TMEM260: variants seen among roughly 807,000 people sequenced by gnomAD.
TMEM260 encodes the protein protein O-mannosyl-transferase TMEM260.
In TMEM260, 82 loss-of-function variants were observed where a neutral mutation model predicts 88.9. The ratio of observed to expected loss-of-function variants is 0.92; its 90% CI spans 0.77 to 1.11. The LOEUF is 1.11. Ranked by LOEUF, TMEM260 falls within the 50% of genes least tolerant of loss-of-function variation. The probability of loss-of-function intolerance (pLI) is 0.00; values close to 1 mark genes in which losing one functional copy is unlikely to be tolerated. For synonymous variants in TMEM260, 314 were observed against 309.3 expected, an observed-to-expected ratio of 1.02 and a Z score of -0.16; for missense variants, 902 against 853.4, an observed-to-expected ratio of 1.06 and a Z score of -0.71.
intron 15 of TMEM260, among the ~76,000 whole-genome samples, chr14:56,642,215 G>A (rs1220286479): frequency 2.0e-5 from 3 of 152,120 alleles, no homozygotes; most frequent in Non-Finnish European, 4.4e-5. Flanking sequence ...ATTCTTCTCA[G>A]CACCGCATTG....
intron 15 of TMEM260, 22 bp from the exon 16 acceptor site, chr14:56,647,221 C>CAACA: frequency 1.3e-6 from 2 of 1,568,636 alleles, no homozygotes; most frequent in Non-Finnish European, 1.7e-6. Flanking sequence ...AATGGAATAC[C>CAACA]AACATTTCTG....
chr14:56,624,410 T>C (rs7153161), intron 11 of TMEM260, among the ~76,000 whole-genome samples: 136,810 of 152,126 alleles, frequency 0.9, 61,750 homozygotes, highest in East Asian at 1. Context: ...CCCGTGTCTA[T>C]CAAAAATACA....
chr14:56,609,395 T>G, intron 6 of TMEM260, 110 bp downstream of exon 6: 1 of 1,043,390 alleles, frequency 9.6e-7, no homozygotes, highest in Non-Finnish European at 1.4e-6. Context: ...GATCAAATGT[T>G]TGTTTTGGTT....
intron 3 of TMEM260, 70 bp downstream of exon 3, chr14:56,585,982 A>G: frequency 3.4e-6 from 5 of 1,480,798 alleles, no homozygotes; most frequent in Non-Finnish European, 4.6e-6. Context: ...GCTCAAGTAC[A>G]TACATTAAAA....
chr14:56,612,642 G>A (rs1887352574), intron 7 of TMEM260: 2 of 186,332 alleles, frequency 1.1e-5, no homozygotes, highest in Non-Finnish European at 2.2e-5. Context: ...TATTGTCTAG[G>A]GAATTATGAC....
At position 56,579,857 on chromosome 14, in the gene TMEM260, C is replaced by T. The variant is rs1017170725; in HGVS notation, c.-58C>T. The T allele has an allele frequency of 9.8e-6, 12 of 1,226,102 alleles. No homozygotes were observed. Among genetic ancestry groups the T allele is most frequent in the Non-Finnish European group, 1.0e-5 (10 of 983,124 alleles). The allele number at this position is 1,226,102 out of a possible 1,614,324, so 76.0% of individuals were successfully genotyped here. A position where few individuals can be genotyped will look rare whatever the true frequency, so the allele number is the denominator to read the frequency against. On this transcript the variant is annotated 5_prime_UTR_variant, in exon 1 of 16. Transcript: ENST00000261556. ...CGCTCGTCTCTCGGCTGGGGAGCTCCGTGTCGCACCGGGTTCTTGGGCTGG... is the reference window on the plus strand; with the variant it reads ...CGCTCGTCTCTCGGCTGGGGAGCTCTGTGTCGCACCGGGTTCTTGGGCTGG...
chr14:56,579,799 A>T lies in TMEM260; in HGVS notation c.-116A>T. 1 of 1,057,968 alleles carries T rather than the reference A, an allele frequency of 9.5e-7. No individual in the cohort carries two copies. Among genetic ancestry groups the T allele is most frequent in the Non-Finnish European group, 1.2e-6 (1 of 830,524 alleles). 65.5% of individuals were successfully genotyped at this position (1,057,968 alleles called of 1,614,324 possible). A position where few individuals can be genotyped will look rare whatever the true frequency, so the allele number is the denominator to read the frequency against. ...GTGCGGTCCAACCCGCGGAGGCTCG[A>T]CCCGGAAGCCGCCGTGGCCGCCGCA... On this transcript the variant is annotated 5_prime_UTR_variant, in exon 1 of 16. Transcript: ENST00000261556.
chr14:56,598,330 G>C (rs529797141), intron 3 of TMEM260, among the ~76,000 whole-genome samples: 1 of 152,240 alleles, frequency 6.6e-6, no homozygotes, highest in South Asian at 2.1e-4. Flanking sequence ...GTGTGTCAAG[G>C]GGAGTGGTCA....
At chr14:56,589,183 T>C (rs1885697709) in intron 3 of TMEM260, among the ~76,000 whole-genome samples, 1 of 152,148 alleles carries the variant, frequency 6.6e-6, no homozygotes, top group Non-Finnish European at 1.5e-5. Context: ...AGCATGTTGA[T>C]AGCATTGTAT....
intron 12 of TMEM260, among the ~76,000 whole-genome samples, chr14:56,627,687 A>C (rs545087613): frequency 6.6e-6 from 1 of 152,248 alleles, no homozygotes; most frequent in Non-Finnish European, 1.5e-5. Flanking sequence ...CCATCATCAT[A>C]TGAAAGTTAT....
chr14:56,624,799 C>T (rs986731385), intron 11 of TMEM260, among the ~76,000 whole-genome samples: 7 of 149,344 alleles, frequency 4.7e-5, no homozygotes, highest in East Asian at 2.0e-4. Context: ...GTTGAATACA[C>T]GTTCTCTAGG....
intron 3 of TMEM260, among the ~76,000 whole-genome samples, chr14:56,595,988 GA>G (rs1253969001): frequency 6.6e-6 from 1 of 151,280 alleles, no homozygotes; most frequent in African/African-American, 2.4e-5. Context: ...TTTTATTTAA[GA>G]AAAAAAATCA....
intron 5 of TMEM260, among the ~76,000 whole-genome samples, chr14:56,608,445 G>C (rs993311792): frequency 6.6e-6 from 1 of 152,060 alleles, no homozygotes; most frequent in Non-Finnish European, 1.5e-5. Context: ...TTTAAGAAAA[G>C]TATTTTACCA....
Position 56,633,137 on chromosome 14 carries a change from A to G in TMEM260, c.1690A>G (p.Lys564Glu). The change falls in exon 13 of 16, where the codon AAA becomes GAA. Residue 564 changes from lysine to glutamate, a missense_variant. Coordinates refer to ENST00000261556, the MANE Select transcript of TMEM260 (RefSeq NM_017799.4). ...CCCTGAGGAATGGATTAAACTTACAAAAAGTATCTATAACTGGACCGAAGA... is the reference window on the plus strand; with the variant it reads ...CCCTGAGGAATGGATTAAACTTACAGAAAGTATCTATAACTGGACCGAAGA... ...FNPEEWIKLT[K>E]SIYNWTEEYG... 1 of 1,613,456 alleles carries G rather than the reference A, an allele frequency of 6.2e-7. No homozygotes were observed. Among genetic ancestry groups the G allele is most frequent in the Non-Finnish European group, 8.5e-7 (1 of 1,179,628 alleles).
Position 56,633,004 on chromosome 14 carries a change from A to G in TMEM260, c.1557A>G (p.Thr519=), listed in dbSNP as rs759544733. ...HFLEVNKQKE[T]FVCIGIHEGD... is the part of the protein sequence containing the mutation. ...TTTCTGTTTCCAACAGAAAAGAAAC[A>G]TTTGTTTGCATAGGAATTCATGAAG... The change falls in exon 13 of 16, where the codon ACA becomes ACG. Residue 519 remains threonine, a synonymous_variant. Transcript: ENST00000261556. The G allele has an allele frequency of 1.9e-6, 3 of 1,613,722 alleles. No homozygotes were observed. Among genetic ancestry groups the G allele is most frequent in the Non-Finnish European group, 2.5e-6 (3 of 1,179,858 alleles).
rs776128702 is a variant in TMEM260 at position 56,647,617 on chromosome 14, T to A, written c.*120T>A. 6 of 1,135,656 alleles carry A rather than the reference T, an allele frequency of 5.3e-6. No individual in the cohort carries two copies. The highest frequency in any genetic ancestry group is 2.9e-5 in the Admixed American group (1 of 34,842). The allele number at this position is 1,135,656 out of a possible 1,614,324, so 70.3% of individuals were successfully genotyped here. A position where few individuals can be genotyped will look rare whatever the true frequency, so the allele number is the denominator to read the frequency against. On this transcript the variant is annotated 3_prime_UTR_variant, in exon 16 of 16. Transcript: ENST00000261556. ...TTAAAACTAAGTCATCTCCCAGATA[T>A]AAGTATCATGGTCCAGCAGTACTGT...
chr14:56,655,602 A>C (rs1890286610), downstream of TMEM260, among the ~76,000 whole-genome samples: 1 of 152,142 alleles, frequency 6.6e-6, no homozygotes, highest in African/African-American at 2.4e-5. Context: ...CTGAACAAAT[A>C]AATAGTTGAT....
intron 12 of TMEM260, among the ~76,000 whole-genome samples, chr14:56,631,556 G>A (rs952320792): frequency 6.7e-5 from 10 of 150,010 alleles, no homozygotes; most frequent in Admixed American, 1.3e-4. Flanking sequence ...CTAGGAGGCA[G>A]AAGTTGCAGT....
At chr14:56,654,780 C>G (rs1267947677), downstream of TMEM260, among the ~76,000 whole-genome samples, 2 of 129,932 alleles carry the variant, frequency 1.5e-5, no homozygotes, top group African/African-American at 6.0e-5. Context: ...CGCCATTGCA[C>G]TCCAACCTGG....
Sources: allele counts gnomAD v4.1 joint callset (sites outside exome capture counted in the v4.1 genomes callset), GRCh38; gene constraint gnomAD v4.1.1; transcripts MANE v1.5; gene names NCBI Gene and HGNC (gene_info 2026-07-23, HGNC 2026-07-21).